NRDC: variants seen among roughly 807,000 people sequenced by gnomAD.
NRDC encodes the protein nardilysin.
NRDC carries 54 observed loss-of-function variants against 147.1 expected under a neutral mutation model. The ratio of observed to expected loss-of-function variants is 0.37; its 90% CI spans 0.29 to 0.46. NRDC has a LOEUF of 0.46. NRDC is among the 20% of genes least tolerant of loss of function. The probability of loss-of-function intolerance (pLI) is 1.00; values close to 1 mark genes in which losing one functional copy is unlikely to be tolerated. For synonymous variants in NRDC, 440 were observed against 482.1 expected, an observed-to-expected ratio of 0.91 and a Z score of 1.14; for missense variants, 1,082 against 1,370.6, an observed-to-expected ratio of 0.79 and a Z score of 3.33.
intron 1 of NRDC, among the ~76,000 whole-genome samples, chr1:51,845,156 T>C (rs1000742312): frequency 2.6e-5 from 4 of 152,230 alleles, no homozygotes; most frequent in Non-Finnish European, 5.9e-5. Flanking sequence ...TCTAAACAAA[T>C]GACTTTATTG....
At chr1:51,867,194 A>C (rs906715551) in intron 1 of NRDC, among the ~76,000 whole-genome samples, 1 of 152,196 alleles carries the variant, frequency 6.6e-6, no homozygotes, top group Non-Finnish European at 1.5e-5. Flanking sequence ...GTAACCAAAA[A>C]AAAAGACTGA....
chr1:51,830,657 A>T (rs1680667887), intron 4 of NRDC, among the ~76,000 whole-genome samples: 1 of 152,216 alleles, frequency 6.6e-6, no homozygotes, highest in South Asian at 2.1e-4. Flanking sequence ...ATTCCCGCTT[A>T]TAATGGGGAG....
In NRDC at chr1:51,798,421, G is replaced by A. The variant is rs1287226627; in HGVS notation, c.2442-10C>T. 2 of 1,578,080 alleles carry A rather than the reference G, an allele frequency of 1.3e-6. No homozygotes were observed. The highest frequency in any genetic ancestry group is 4.5e-5 in the East Asian group (2 of 44,324). ...TAAAAGCCGTACATCTCTGTACAGA[G>A]GGCAGAAAAAAAACACTCAAAGTTT... On this transcript the variant is annotated splice_polypyrimidine_tract_variant and intron_variant, in intron 21 of 30. Coordinates refer to ENST00000352171, the MANE Select transcript of NRDC (RefSeq NM_001101662.2).
intron 14 of NRDC, among the ~76,000 whole-genome samples, chr1:51,813,146 CAGATA>C (rs919905063): frequency 5.9e-5 from 9 of 151,970 alleles, no homozygotes; most frequent in African/African-American, 1.7e-4. Context: ...ATGTGACTGT[CAGATA>C]AAAGTCTTGC....
At chr1:51,818,467 C>T (rs1680068880) in intron 9 of NRDC, among the ~76,000 whole-genome samples, 1 of 152,190 alleles carries the variant, frequency 6.6e-6, no homozygotes, top group Non-Finnish European at 1.5e-5. Flanking sequence ...CACTATCTTG[C>T]TATATGTGCT....
intron 21 of NRDC, among the ~76,000 whole-genome samples, chr1:51,799,544 TTACGCTGTTC>T (rs1342581208): frequency 6.6e-6 from 1 of 152,176 alleles, no homozygotes; most frequent in Non-Finnish European, 1.5e-5. Context: ...AGCAGAACCT[TTACGCTGTTC>T]ACTATTTATA....
chr1:51,861,265 CTTTTTT>C (rs71063057), intron 1 of NRDC, among the ~76,000 whole-genome samples: 2 of 108,082 alleles, frequency 1.9e-5, no homozygotes, highest in African/African-American at 3.6e-5. Context: ...AGTGGTATTA[CTTTTTT>C]TTTTTTTTTT....
chr1:51,791,751 GC>G, intron 26 of NRDC, 90 bp from the exon 27 acceptor site: 1 of 1,068,232 alleles, frequency 9.4e-7, no homozygotes, highest in Non-Finnish European at 1.4e-6. Flanking sequence ...AAAAGTTTCT[GC>G]CCATCCTTAT....
chr1:51,830,866 G>C (rs532641595), intron 4 of NRDC, among the ~76,000 whole-genome samples: 24 of 152,276 alleles, frequency 1.6e-4, no homozygotes, highest in African/African-American at 5.5e-4. Flanking sequence ...TATAAACAAT[G>C]TGGCCTGTGT....
At chr1:51,815,584 G>A (rs1439384774) in intron 11 of NRDC, among the ~76,000 whole-genome samples, 4 of 152,108 alleles carry the variant, frequency 2.6e-5, no homozygotes, top group Non-Finnish European at 5.9e-5. Flanking sequence ...AACATATATT[G>A]TGTAAGGTAC....
At chr1:51,841,369 A>T (rs1681258087) in intron 1 of NRDC, among the ~76,000 whole-genome samples, 1 of 151,948 alleles carries the variant, frequency 6.6e-6, no homozygotes, top group Admixed American at 6.6e-5. Context: ...GTGCAGTGGC[A>T]CGATCTCAGC....
intron 17 of NRDC, among the ~76,000 whole-genome samples, chr1:51,807,394 A>G (rs1160769037): frequency 1.3e-5 from 2 of 152,212 alleles, no homozygotes; most frequent in Non-Finnish European, 2.9e-5. Flanking sequence ...AAATTTGAGT[A>G]CTTGCTATAT....
At chr1:51,802,661 G>T (rs1679264235) in intron 20 of NRDC, among the ~76,000 whole-genome samples, 1 of 152,074 alleles carries the variant, frequency 6.6e-6, no homozygotes, top group African/African-American at 2.4e-5. Context: ...TTTACTGATG[G>T]CGTCTCCTTC....
At chr1:51,810,511 A>C in intron 15 of NRDC, 107 bp from the exon 16 acceptor site, 44 of 949,904 alleles carry the variant, frequency 4.6e-5, no homozygotes, top group Middle Eastern at 2.2e-4. Flanking sequence ...ATCTATGCTC[A>C]TAAAAATACC....
intron 1 of NRDC, among the ~76,000 whole-genome samples, chr1:51,845,465 C>T (rs554856710): frequency 6.6e-6 from 1 of 152,222 alleles, no homozygotes; most frequent in South Asian, 2.1e-4. Context: ...TGGTGGCATA[C>T]GCCTGTAGTC....
intron 1 of NRDC, among the ~76,000 whole-genome samples, chr1:51,842,812 TC>T (rs1212183031): frequency 2.0e-5 from 3 of 151,730 alleles, no homozygotes; most frequent in African/African-American, 7.3e-5. Context: ...GCGCCTATAA[TC>T]CCCGCACTTT....
chr1:51,828,147 C>T (rs1680527435), intron 4 of NRDC, among the ~76,000 whole-genome samples: 1 of 152,152 alleles, frequency 6.6e-6, no homozygotes, highest in Admixed American at 6.5e-5. Flanking sequence ...AGAAACAGAC[C>T]ATAGTCAACA....
At position 51,878,333 on chromosome 1, in the gene NRDC, G is replaced by A. The variant is rs767510978; in HGVS notation, c.283C>T (p.Leu95Phe). 5 of 1,614,008 alleles carry A rather than the reference G, an allele frequency of 3.1e-6. No homozygotes were observed. In the South Asian group the frequency reaches 4.4e-5, roughly 14 times the overall value. ...ATCTCAGGGTCCCCAGCATTACTGA[G>A]AGACCCCCTCCGTCCCTCTTCCTCA... ...ESEEEGRRGS[L>F]SNAGDPEIVK... Residue 95 changes from leucine to phenylalanine, a missense_variant, in exon 1 of 31, where the codon CTC becomes TTC. This residue lies in a region of NRDC where 260 missense variants were observed against 253.2 expected (regional missense o/e 1.03). Coordinates refer to ENST00000352171, the MANE Select transcript of NRDC (RefSeq NM_001101662.2).
In NRDC at chr1:51,814,688, T is replaced by C; in HGVS notation, c.1560+5A>G. 1 of 1,606,888 alleles carries C rather than the reference T, an allele frequency of 6.2e-7. No individual in the cohort carries two copies. The highest frequency in any genetic ancestry group is 8.5e-7 in the Non-Finnish European group (1 of 1,175,686). ...GGAAAAAACAACTGAATTTGAATTA[T>C]TTACCTCATAAAAATGTTCATAACC... On this transcript the variant is annotated splice_donor_5th_base_variant and intron_variant, in intron 12 of 30. Transcript: ENST00000352171.
Sources: allele counts gnomAD v4.1 joint callset (sites outside exome capture counted in the v4.1 genomes callset), GRCh38; gene constraint gnomAD v4.1.1; regional missense constraint gnomAD v4.1.1; transcripts MANE v1.5; gene names NCBI Gene and HGNC (gene_info 2026-07-23, HGNC 2026-07-21).